Variants in PLEKHG4B observed in about 807,000 individuals in gnomAD.
The protein encoded by PLEKHG4B is pleckstrin homology and RhoGEF domain containing G4B, also known as pleckstrin homology domain-containing family G member 4B.
PLEKHG4B carries 111 observed loss-of-function variants against 121.3 expected under a neutral mutation model. That is an observed-to-expected ratio of 0.92 (90% CI 0.78 to 1.07). PLEKHG4B has a LOEUF of 1.07. Among genes scored for constraint, PLEKHG4B ranks in the 50% least tolerant of loss-of-function variants. The pLI, the probability that PLEKHG4B is intolerant of heterozygous loss-of-function variation, is 0.00. For synonymous variants in PLEKHG4B, 738 were observed against 725.0 expected (o/e 1.02, Z -0.29); for missense variants, 1,831 against 1,757.8 (o/e 1.04, Z -0.74).
chr5:156,710 T>G lies in PLEKHG4B; in HGVS notation c.2349-63T>G. The G allele has an allele frequency of 6.7e-7, 1 of 1,500,986 alleles. No individual in the cohort carries two copies. The highest frequency in any genetic ancestry group is 8.9e-7 in the Non-Finnish European group (1 of 1,120,156). 93.0% of individuals were successfully genotyped at this position (1,500,986 alleles called of 1,614,324 possible). A position where few individuals can be genotyped will look rare whatever the true frequency, so the allele number is the denominator to read the frequency against. On this transcript the variant is annotated intron_variant, in intron 10 of 19. Transcript: ENST00000637938. This position sits in a 1 kb window ranked among gnomAD's most constrained non-coding sequence, Gnocchi z 4.4. ...AGAGCAGGGTTTTTATATGGGGTTG[T>G]CACCAAGAGCAGATTCCTCAAGGGG... is the stretch of plus-strand genomic sequence containing the variant.
At chr5:140,804 CCTACAAACCCCCACAACCTCCCCCT>C (rs1735151964) in intron 3 of PLEKHG4B, 88 bp downstream of exon 3, 2 of 1,163,094 alleles carry the variant, frequency 1.7e-6, no homozygotes, top group Non-Finnish European at 2.3e-6. Flanking sequence ...CACCCCCTTC[CCTACAAACCCCCACAACCTCCCCCT>C]GCACACCACC....
chr5:147,164 G>C (rs1483411162), intron 6 of PLEKHG4B, among the ~76,000 whole-genome samples: 2 of 152,220 alleles, frequency 1.3e-5, no homozygotes, highest in African/African-American at 4.8e-5. Context: ...ACAGGCCGAG[G>C]TCCAGACAAG....
In PLEKHG4B at chr5:182,442, GA is replaced by G; in HGVS notation, c.*121del. 1 of 937,266 alleles carries G rather than the reference GA, an allele frequency of 1.1e-6. No homozygotes were observed. Among genetic ancestry groups the G allele is most frequent in the Non-Finnish European group, 1.6e-6 (1 of 638,854 alleles). 58.1% of individuals were successfully genotyped at this position (937,266 alleles called of 1,614,324 possible). A position where few individuals can be genotyped will look rare whatever the true frequency, so the allele number is the denominator to read the frequency against. ...TCGCGTGGCTGGAACGATCCAGAGG[GA>G]ATAGCACAGCAGGTGTCCAGGTATT... On this transcript the variant is annotated 3_prime_UTR_variant, in exon 20 of 20. Coordinates refer to ENST00000637938, the MANE Select transcript of PLEKHG4B (RefSeq NM_052909.5).
At position 173,903 on chromosome 5, in the gene PLEKHG4B, G is replaced by A; in HGVS notation, c.4222-15G>A. On this transcript the variant is annotated splice_polypyrimidine_tract_variant and intron_variant, in intron 17 of 19. Coordinates refer to ENST00000637938, the MANE Select transcript of PLEKHG4B (RefSeq NM_052909.5). ...TGTTCCTGATGGTGCTGCAATGGGT[G>A]TTTGCTGACTGCAGACGGCCGAGAT... The A allele has an allele frequency of 1.2e-6, 2 of 1,611,456 alleles. No individual in the cohort carries two copies. Among genetic ancestry groups the A allele is most frequent in the African/African-American group, 2.7e-5 (2 of 75,026 alleles).
In PLEKHG4B at chr5:183,975, A is replaced by AGATAGATAGTTAGATC. The variant is rs1733519176; in HGVS notation, c.*1661_*1662insTTAGATCGATAGATAG. 1.5e-5 allele frequency: 1 copy of AGATAGATAGTTAGATC among 66,888 alleles called. No homozygotes were observed. The allele number at this position is 66,888 out of a possible 1,614,324, so 4.1% of individuals were successfully genotyped here. A position where few individuals can be genotyped will look rare whatever the true frequency, so the allele number is the denominator to read the frequency against. The stretch of plus-strand genomic sequence containing the variant: ...TAGCTAGATATATATACAGACAGAT[A>AGATAGATAGTTAGATC]GATAGATAGATAGATCGATAGATAG... On this transcript the variant is annotated 3_prime_UTR_variant, in exon 20 of 20. Coordinates refer to ENST00000637938, the MANE Select transcript of PLEKHG4B (RefSeq NM_052909.5).
Position 139,913 on chromosome 5 carries a change from C to G in PLEKHG4B, c.674C>G (p.Ser225Ter), listed in dbSNP as rs540427657. The G allele has an allele frequency of 4.9e-6, 2 of 404,274 alleles. No individual in the cohort carries two copies. Among genetic ancestry groups the G allele is most frequent in the East Asian group, 7.1e-5 (2 of 28,090 alleles). The allele number at this position is 404,274 out of a possible 1,614,324, so 25.0% of individuals were successfully genotyped here. A position where few individuals can be genotyped will look rare whatever the true frequency, so the allele number is the denominator to read the frequency against. The change falls in exon 3 of 20, where the codon TCA becomes TGA. Residue 225 changes from serine to a stop codon, truncating the protein, a stop_gained. Transcript: ENST00000637938. LOFTEE classifies it high-confidence loss of function. The surrounding 1 kb of genome is among the most constrained non-coding windows in gnomAD (Gnocchi z 5.0). Reference sequence around the variant, plus strand: ...CCTGAGCGGCTGCCCAGCAGCCCCTCAGAGGCCCCAGTCCCCACCCAAGCC... The same window carrying G: ...CCTGAGCGGCTGCCCAGCAGCCCCTGAGAGGCCCCAGTCCCCACCCAAGCC... ...TGPERLPSSP[S>*]EAPVPTQATA...
rs1475861735 is a variant in PLEKHG4B, at chr5:157,641, T to G, written c.2487+730T>G. Among the ~76,000 whole-genome samples the G allele has an allele frequency of 6.6e-6, 1 of 152,154 alleles. No individual in the cohort carries two copies. Among genetic ancestry groups the G allele is most frequent in the East Asian group, 1.9e-4 (1 of 5,200 alleles). ...GCGAAATGATTGCTTAGCTCAGGGG[T>G]GCAGATGATGCTGCTGCCTCATTTT... On this transcript the variant is annotated intron_variant, in intron 11 of 19. Transcript: ENST00000637938. This position sits in a 1 kb window ranked among gnomAD's most constrained non-coding sequence, Gnocchi z 4.6.
At position 184,913 on chromosome 5, in the gene PLEKHG4B, A is replaced by G. The variant is rs1420856209; in HGVS notation, c.*2590A>G. ...ACTGTTTAAACAAAAGTATTAACGT[A>G]TCTGCGGTTTGTACTATACGCACAG... On this transcript the variant is annotated 3_prime_UTR_variant, in exon 20 of 20. Coordinates refer to ENST00000637938, the MANE Select transcript of PLEKHG4B (RefSeq NM_052909.5). 6.6e-6 allele frequency: 1 copy of G among 152,228 alleles called. No homozygotes were observed. Among genetic ancestry groups the G allele is most frequent in the African/African-American group, 2.4e-5 (1 of 41,450 alleles). 9.4% of individuals were successfully genotyped at this position (152,228 alleles called of 1,614,324 possible).
intron 2 of PLEKHG4B, among the ~76,000 whole-genome samples, chr5:125,716 A>G (rs1461486668): frequency 2.0e-5 from 3 of 152,218 alleles, no homozygotes; most frequent in Non-Finnish European, 4.4e-5. Flanking sequence ...ATTTCTTCAT[A>G]GTCCTTCAAG....
intron 18 of PLEKHG4B, among the ~76,000 whole-genome samples, chr5:180,473 C>T (rs1469084721): frequency 6.6e-6 from 1 of 152,216 alleles, no homozygotes; most frequent in Non-Finnish European, 1.5e-5. Context: ...CTCTGCTCAT[C>T]GGCCACCAGC....
chr5:139,345 G>C lies in PLEKHG4B; in HGVS notation c.244-138G>C. On this transcript the variant is annotated intron_variant, in intron 2 of 19. Coordinates refer to ENST00000637938, the MANE Select transcript of PLEKHG4B (RefSeq NM_052909.5). The surrounding 1 kb of genome is among the most constrained non-coding windows in gnomAD (Gnocchi z 5.0). ...ACCTGCTTTATGTTCCAAGGAACAG[G>C]ACACCCCAGCCCCCGTGAGACCCCT... is the stretch of plus-strand genomic sequence containing the variant. The C allele has an allele frequency of 1.0e-5, 4 of 398,150 alleles. No individual in the cohort carries two copies. The highest frequency in any genetic ancestry group is 6.3e-4 in the Middle Eastern group (1 of 1,598). 24.7% of individuals were successfully genotyped at this position (398,150 alleles called of 1,614,324 possible). A position where few individuals can be genotyped will look rare whatever the true frequency, so the allele number is the denominator to read the frequency against.
At chr5:132,117 G>A (rs535915564) in intron 2 of PLEKHG4B, among the ~76,000 whole-genome samples, 209 of 151,752 alleles carry the variant, frequency 1.4e-3, no homozygotes, top group Non-Finnish European at 2.3e-3. Flanking sequence ...ACAAGGATGC[G>A]CACTTTCACC....
chr5:134,058 AATATATATATATGATAGAAT>A (rs1254333937), intron 2 of PLEKHG4B, among the ~76,000 whole-genome samples: 101 of 124,950 alleles, frequency 8.1e-4, no homozygotes, highest in South Asian at 2.0e-3. Context: ...TATATGATAG[AATATATATATATGATAGAAT>A]ATATATATAT....
At chr5:127,614 T>C (rs185053881) in intron 2 of PLEKHG4B, among the ~76,000 whole-genome samples, 6 of 152,226 alleles carry the variant, frequency 3.9e-5, no homozygotes. Flanking sequence ...GTCACTTCAG[T>C]GGCAGTGGTA....
chr5:156,330 C>A lies in PLEKHG4B; in HGVS notation c.2348+120C>A. On this transcript the variant is annotated intron_variant, in intron 10 of 19. Transcript: ENST00000637938. This position sits in a 1 kb window ranked among gnomAD's most constrained non-coding sequence, Gnocchi z 4.4. ...GAGCCCCCTCTGTGCTTGGTCCAGACCTCCATTCTGACAGCCACGCTTTGC... is the reference window on the plus strand; with the variant it reads ...GAGCCCCCTCTGTGCTTGGTCCAGAACTCCATTCTGACAGCCACGCTTTGC... The A allele has an allele frequency of 8.9e-7, 1 of 1,119,888 alleles. No homozygotes were observed. Among genetic ancestry groups the A allele is most frequent in the Non-Finnish European group, 1.2e-6 (1 of 860,960 alleles). The allele number at this position is 1,119,888 out of a possible 1,614,324, so 69.4% of individuals were successfully genotyped here.
In PLEKHG4B at chr5:157,112, C is replaced by T. The variant is rs148331450; in HGVS notation, c.2487+201C>T. 7.9e-4 allele frequency: 616 copies of T among 780,912 alleles called. 5 individuals carry two copies. The African/African-American group carries it at 9.8e-3, about 12-fold the overall frequency. The allele number at this position is 780,912 out of a possible 1,614,324, so 48.4% of individuals were successfully genotyped here. On this transcript the variant is annotated intron_variant, in intron 11 of 19. Transcript: ENST00000637938. The surrounding 1 kb of genome is among the most constrained non-coding windows in gnomAD (Gnocchi z 4.6). ...ATTTTTTACGTGAGAGATACTGGAT[C>T]AGTGGAGAAAAAAAATTTGTTTAAT... is the stretch of plus-strand genomic sequence containing the variant.
chr5:120,486 T>A (rs776041981), intron 2 of PLEKHG4B, among the ~76,000 whole-genome samples: 1 of 152,128 alleles, frequency 6.6e-6, no homozygotes, highest in Non-Finnish European at 1.5e-5. Context: ...CTCCACCCAA[T>A]TAAAATCTGA....
chr5:123,367 C>A (rs1361924962), intron 2 of PLEKHG4B, among the ~76,000 whole-genome samples: 8 of 152,096 alleles, frequency 5.3e-5, no homozygotes, highest in Non-Finnish European at 1.2e-4. Context: ...TTTCTTTTGT[C>A]TGATATCTTG....
rs999027597 is a variant in PLEKHG4B, at chr5:131,312, C to A, written c.244-8171C>A. ...TGTGTGATATTCTCCGCCCTGTGTCCAAGTGTTCTCATTGTTCAATTCCCA... is the reference window on the plus strand; with the variant it reads ...TGTGTGATATTCTCCGCCCTGTGTCAAAGTGTTCTCATTGTTCAATTCCCA... On this transcript the variant is annotated intron_variant, in intron 2 of 19. Transcript: ENST00000637938. Among the ~76,000 whole-genome samples, 4 of 152,266 alleles carry A rather than the reference C, an allele frequency of 2.6e-5. No individual in the cohort carries two copies. The East Asian group carries it at 5.8e-4, about 22-fold the overall frequency.
Sources: allele counts gnomAD v4.1 joint callset (sites outside exome capture counted in the v4.1 genomes callset), GRCh38; gene constraint gnomAD v4.1.1; non-coding constraint Gnocchi (gnomAD v3.1); transcripts MANE v1.5; gene names NCBI Gene and HGNC (gene_info 2026-07-23, HGNC 2026-07-21).